The following EPHA5 variants were observed in gnomAD, a reference collection of about 807,000 sequenced individuals.
The protein encoded by EPHA5 is EPH receptor A5.
Under a neutral mutation model 105.0 loss-of-function variants are expected in EPHA5, and 60 were observed. That is an observed-to-expected ratio of 0.57 (90% confidence interval 0.46 to 0.71). EPHA5 has a LOEUF of 0.71. Ranked by LOEUF, EPHA5 falls within the 30% of genes least tolerant of loss-of-function variation. The pLI, the probability that EPHA5 is intolerant of heterozygous loss-of-function variation, is 0.00. For missense variants in EPHA5, 1,218 were observed against 1,274.7 expected (o/e 0.96, Z 0.68); for synonymous variants, 513 against 449.1 (o/e 1.14, Z -1.80).
At position 65,490,558 on chromosome 4, in the gene EPHA5, C is replaced by A. The variant is rs1191543999; in HGVS notation, c.1221G>T (p.Glu407Asp). The change falls in exon 5 of 17, where the codon GAG becomes GAT. Residue 407 changes from glutamate to aspartate, a missense_variant. By Grantham distance (45) the Glu-to-Asp change is conservative. Around this residue, in one of 3 missense-constraint regions of EPHA5, gnomAD observed 971 missense variants for 1,013.5 expected, o/e 0.96. Coordinates refer to ENST00000613740, the MANE Select transcript of EPHA5 (RefSeq NM_001281766.3). ...KCNSHAGVCE[E>D]CGGHVRYLPR... ...GAAGGTACCTGACATGACCGCCACA[C>A]TCCTCACACACACCTGCATGGGAGT... 2 of 1,614,158 alleles carry A rather than the reference C, an allele frequency of 1.2e-6. No individual in the cohort carries two copies. Among genetic ancestry groups the A allele is most frequent in the Admixed American group, 1.7e-5 (1 of 60,016 alleles).
At chr4:65,377,051 A>T (rs764384757) in intron 8 of EPHA5, 6 of 1,609,284 alleles carry the variant, frequency 3.7e-6, no homozygotes, top group Non-Finnish European at 5.1e-6. Flanking sequence ...TCCCACAGCC[A>T]CATTCGCAGC....
rs199854194 is a variant in EPHA5 at position 65,527,562 on chromosome 4, C to A, written c.911-32019G>T. Among the ~76,000 whole-genome samples, 24 of 152,130 alleles carry A rather than the reference C, an allele frequency of 1.6e-4. No individual in the cohort carries two copies. In the East Asian group the frequency reaches 4.2e-3, roughly 27 times the overall value. Reference sequence around the variant, plus strand: ...AGAATGAAAAATGTCTTAAGCATTTCTTTTTTAAATTAGATCTATATTTTC... The same window carrying A: ...AGAATGAAAAATGTCTTAAGCATTTATTTTTTAAATTAGATCTATATTTTC... On this transcript the variant is annotated intron_variant, in intron 3 of 16. Transcript: ENST00000613740.
chr4:65,562,765 A>T (rs1160422137), intron 3 of EPHA5, among the ~76,000 whole-genome samples: 1 of 152,092 alleles, frequency 6.6e-6, no homozygotes, highest in Non-Finnish European at 1.5e-5. Flanking sequence ...AAATCTCAAA[A>T]GTCTTCAAGA....
At chr4:65,562,040 C>T (rs1739065249) in intron 3 of EPHA5, among the ~76,000 whole-genome samples, 1 of 152,018 alleles carries the variant, frequency 6.6e-6, no homozygotes, top group Admixed American at 6.6e-5. Context: ...AGTCAGCTAC[C>T]TTCAACTGAA....
chr4:65,616,779 C>G lies in EPHA5; in HGVS notation c.247-14475G>C, dbSNP rs150988191. On this transcript the variant is annotated intron_variant, in intron 2 of 16. Coordinates refer to ENST00000613740, the MANE Select transcript of EPHA5 (RefSeq NM_001281766.3). ...TATTTCTCTATACTTTGAATTAAAA[C>G]TTAAGTACTTATTAAAGTAATATTG... Among the ~76,000 whole-genome samples, 522 of 152,066 alleles carry G rather than the reference C, an allele frequency of 3.4e-3. 5 individuals are homozygous for G. The highest frequency in any genetic ancestry group is 0.012 in the African/African-American group (496 of 41,522).
At chr4:65,383,448 G>A (rs918026100) in intron 8 of EPHA5, among the ~76,000 whole-genome samples, 1 of 151,668 alleles carries the variant, frequency 6.6e-6, no homozygotes, top group Non-Finnish European at 1.5e-5. Context: ...AATCACCACT[G>A]CTACCACCAT....
intron 1 of EPHA5, among the ~76,000 whole-genome samples, chr4:65,665,119 T>C (rs933568633): frequency 2.0e-5 from 3 of 152,044 alleles, no homozygotes; most frequent in African/African-American, 7.2e-5. Flanking sequence ...TATTTTTCTT[T>C]TGAAAAAAGA....
At chr4:65,372,722 C>T (rs1718606467) in intron 8 of EPHA5, among the ~76,000 whole-genome samples, 5 of 151,752 alleles carry the variant, frequency 3.3e-5, no homozygotes, top group Admixed American at 3.3e-4. Flanking sequence ...GTGCTAACAA[C>T]CCTATGATTA....
At chr4:65,582,576 G>A (rs185821260) in intron 3 of EPHA5, among the ~76,000 whole-genome samples, 92 of 151,650 alleles carry the variant, frequency 6.1e-4, no homozygotes, top group African/African-American at 2.2e-3. Flanking sequence ...CTTTCTTGAA[G>A]TTGAAATTTT....
At chr4:65,471,337 T>G (rs766032847) in intron 5 of EPHA5, among the ~76,000 whole-genome samples, 2 of 152,222 alleles carry the variant, frequency 1.3e-5, no homozygotes, top group Non-Finnish European at 2.9e-5. Context: ...AAACCATTTA[T>G]TCTCATAAAA....
chr4:65,654,045 G>A (rs1452695541), intron 1 of EPHA5, among the ~76,000 whole-genome samples: 1 of 151,958 alleles, frequency 6.6e-6, no homozygotes, highest in Admixed American at 6.6e-5. Context: ...TTAAACTAAA[G>A]GAATAATGCT....
At position 65,321,165 on chromosome 4, in the gene EPHA5, G is replaced by A. The variant is rs766150373; in HGVS notation, c.*2949C>T. The A allele has an allele frequency of 5.6e-5, 13 of 230,540 alleles. No individual in the cohort carries two copies. Among genetic ancestry groups the A allele is most frequent in the Non-Finnish European group, 8.6e-5 (10 of 116,412 alleles). 14.3% of individuals were successfully genotyped at this position (230,540 alleles called of 1,614,324 possible). On this transcript the variant is annotated 3_prime_UTR_variant, in exon 17 of 17. Transcript: ENST00000613740. ...CCAATTTTTCAAAGTCCAATACTGT[G>A]AAAGACTCATGCCCCTTAAGATATT...
At chr4:65,472,999 C>T (rs1038764262) in intron 5 of EPHA5, among the ~76,000 whole-genome samples, 1 of 152,116 alleles carries the variant, frequency 6.6e-6, no homozygotes, top group Non-Finnish European at 1.5e-5. Context: ...ACATAAATTC[C>T]AGTTTCAGAT....
intron 8 of EPHA5, among the ~76,000 whole-genome samples, chr4:65,401,933 A>G (rs377175211): frequency 3.6e-4 from 50 of 138,950 alleles, no homozygotes; most frequent in Non-Finnish European, 6.6e-4. Flanking sequence ...GAGAGAGAGA[A>G]AGAGAGAGAG....
chr4:65,376,168 G>T (rs568697965), intron 8 of EPHA5, among the ~76,000 whole-genome samples: 1 of 151,786 alleles, frequency 6.6e-6, no homozygotes, highest in Non-Finnish European at 1.5e-5. Flanking sequence ...AAAGCCCCTA[G>T]GAAACTCTAT....
intron 1 of EPHA5, among the ~76,000 whole-genome samples, chr4:65,654,702 TA>T (rs1748905220): frequency 6.8e-6 from 1 of 147,368 alleles, no homozygotes; most frequent in African/African-American, 2.5e-5. Context: ...CATAAATATA[TA>T]AATGTATAAA....
At chr4:65,485,597 G>T (rs139385128) in intron 5 of EPHA5, among the ~76,000 whole-genome samples, 1 of 152,102 alleles carries the variant, frequency 6.6e-6, no homozygotes, top group Non-Finnish European at 1.5e-5. Context: ...TAAATACTAT[G>T]TATACATTTA....
chr4:65,620,051 C>G (rs1454659423), intron 2 of EPHA5, among the ~76,000 whole-genome samples: 2 of 146,900 alleles, frequency 1.4e-5, no homozygotes, highest in Non-Finnish European at 3.0e-5. Flanking sequence ...TGTTAAAGAG[C>G]AAATTCTTTG....
chr4:65,414,552 TTA>T (rs1448245269), intron 6 of EPHA5, 109 bp from the exon 7 acceptor site: 2 of 1,154,254 alleles, frequency 1.7e-6, no homozygotes, highest in Non-Finnish European at 2.5e-6. Context: ...AAGGACTCTA[TTA>T]GTACAAATAT....
Sources: allele counts gnomAD v4.1 joint callset (sites outside exome capture counted in the v4.1 genomes callset), GRCh38; gene constraint gnomAD v4.1.1; regional missense constraint gnomAD v4.1.1; transcripts MANE v1.5; gene names NCBI Gene and HGNC (gene_info 2026-07-23, HGNC 2026-07-21).